The following CPEB3 variants were observed in gnomAD, a reference collection of about 807,000 sequenced individuals.
The protein encoded by CPEB3 is cytoplasmic polyadenylation element-binding protein 3.
Under a neutral mutation model 67.2 loss-of-function variants are expected in CPEB3, and 20 were observed. The ratio of observed to expected loss-of-function variants is 0.30; its 90% CI spans 0.21 to 0.43. CPEB3 has a LOEUF of 0.43. Among genes scored for constraint, CPEB3 ranks in the 20% least tolerant of loss-of-function variants. The probability of loss-of-function intolerance (pLI) is 1.00; values close to 1 mark genes in which losing one functional copy is unlikely to be tolerated. For missense variants in CPEB3, 746 were observed against 968.6 expected (o/e 0.77, Z 3.05); for synonymous variants, 376 against 393.1 (o/e 0.96, Z 0.51).
At chr10:92,119,971 T>C (rs1845255227) in intron 6 of CPEB3, among the ~76,000 whole-genome samples, 1 of 151,430 alleles carries the variant, frequency 6.6e-6, no homozygotes, top group Non-Finnish European at 1.5e-5. Context: ...AAAAACAAAT[T>C]GCGCCAGGCG....
intron 4 of CPEB3, among the ~76,000 whole-genome samples, chr10:92,162,052 A>G (rs911744132): frequency 6.6e-6 from 1 of 152,318 alleles, no homozygotes; most frequent in South Asian, 2.1e-4. Flanking sequence ...AGATATAACA[A>G]GATACAATAT....
At chr10:92,236,224 CA>C (rs1345484942) in intron 2 of CPEB3, among the ~76,000 whole-genome samples, 2 of 152,136 alleles carry the variant, frequency 1.3e-5, no homozygotes, top group Non-Finnish European at 2.9e-5. Flanking sequence ...TTCTACCTGA[CA>C]GCACCTGCAC....
chr10:92,286,080 C>A (rs1243704668), intron 1 of CPEB3, among the ~76,000 whole-genome samples: 1 of 151,594 alleles, frequency 6.6e-6, no homozygotes, highest in South Asian at 2.1e-4. Context: ...GGACTACAGG[C>A]GCCCGCCACC....
intron 1 of CPEB3, among the ~76,000 whole-genome samples, chr10:92,288,354 G>C (rs778654521): frequency 7.0e-4 from 106 of 152,040 alleles, no homozygotes; most frequent in Middle Eastern, 3.4e-3. Flanking sequence ...TAGCTACTTG[G>C]GGGGCTGAGG....
intron 2 of CPEB3, among the ~76,000 whole-genome samples, chr10:92,217,488 G>A (rs574781367): frequency 0.015 from 2,274 of 152,244 alleles, 56 homozygotes; most frequent in African/African-American, 0.05. Flanking sequence ...CAAGCTGGGC[G>A]TGGTGGCTCA....
In CPEB3 at chr10:92,173,057, G is replaced by T. The variant is rs1848076504; in HGVS notation, c.1222+7906C>A. On this transcript the variant is annotated intron_variant, in intron 4 of 9. Coordinates refer to ENST00000265997, the MANE Select transcript of CPEB3 (RefSeq NM_014912.5). ...TCTCTCTTCTGATCACCCATATTGA[G>T]TGCGTATTCAACAGGCCAGGCATTA... Among the ~76,000 whole-genome samples the T allele has an allele frequency of 2.6e-5, 4 of 152,116 alleles. No individual in the cohort carries two copies. The South Asian group carries it at 8.3e-4, about 32-fold the overall frequency.
chr10:92,176,866 G>GCGTCC (rs1274256809), intron 4 of CPEB3, among the ~76,000 whole-genome samples: 13 of 152,242 alleles, frequency 8.5e-5, no homozygotes, highest in Non-Finnish European at 1.6e-4. Flanking sequence ...TGTCGAACCT[G>GCGTCC]CGTCCCGCAA....
rs780757034 is a variant in CPEB3 at position 92,190,665 on chromosome 10, C to CAAAAAAAAAAAA, written c.1165+1800_1165+1811dup. ...GGGCAACAAGAGCGAAACTCCATCT[C>CAAAAAAAAAAAA]AAAAAAAAAAAAAAAAAAAAAAAAA... On this transcript the variant is annotated intron_variant, in intron 3 of 9. Coordinates refer to ENST00000265997, the MANE Select transcript of CPEB3 (RefSeq NM_014912.5). Among the ~76,000 whole-genome samples, 10 of 78,396 alleles carry CAAAAAAAAAAAA rather than the reference C, an allele frequency of 1.3e-4. 1 individual carries two copies. Among genetic ancestry groups the CAAAAAAAAAAAA allele is most frequent in the Non-Finnish European group, 1.6e-4 (7 of 43,172 alleles). The allele number at this position is 78,396 out of a possible 152,430, so 51.4% of individuals were successfully genotyped here.
chr10:92,127,063 T>C (rs548715776), intron 6 of CPEB3, among the ~76,000 whole-genome samples: 1 of 152,194 alleles, frequency 6.6e-6, no homozygotes, highest in Non-Finnish European at 1.5e-5. Flanking sequence ...TCATAAAACT[T>C]ACATTGCAGT....
chr10:92,205,624 G>C (rs1024112890), intron 2 of CPEB3, among the ~76,000 whole-genome samples: 1 of 151,582 alleles, frequency 6.6e-6, no homozygotes, highest in African/African-American at 2.4e-5. Context: ...TTATGGGTGT[G>C]CGCCATGATG....
intron 6 of CPEB3, among the ~76,000 whole-genome samples, chr10:92,114,102 C>A (rs536963554): frequency 8.3e-4 from 127 of 152,248 alleles, no homozygotes; most frequent in Non-Finnish European, 1.6e-3. Flanking sequence ...TAAACTCCCC[C>A]CAACCCCCCA....
chr10:92,217,446 A>G (rs10882037), intron 2 of CPEB3, among the ~76,000 whole-genome samples: 53,591 of 151,828 alleles, frequency 0.35, 10,673 homozygotes, highest in African/African-American at 0.53. Flanking sequence ...CCATCAATGA[A>G]TACTCAAGAA....
intron 8 of CPEB3, among the ~76,000 whole-genome samples, chr10:92,084,720 C>T (rs1843301901): frequency 6.6e-6 from 1 of 152,130 alleles, no homozygotes; most frequent in Non-Finnish European, 1.5e-5. Flanking sequence ...GCTGGGACTA[C>T]AGGCGCCCGC....
At chr10:92,210,440 T>C (rs544461171) in intron 2 of CPEB3, among the ~76,000 whole-genome samples, 2 of 152,314 alleles carry the variant, frequency 1.3e-5, no homozygotes, top group South Asian at 2.1e-4. Context: ...GTGGCAAATA[T>C]ATTCCATTCA....
chr10:92,074,616 G>T (rs927261361), intron 9 of CPEB3, among the ~76,000 whole-genome samples: 1 of 152,144 alleles, frequency 6.6e-6, no homozygotes, highest in Admixed American at 6.5e-5. Context: ...GAGAAATAGG[G>T]GAAAAGGCCA....
At chr10:92,247,697 G>C (rs1215425509) in intron 1 of CPEB3, among the ~76,000 whole-genome samples, 1 of 152,008 alleles carries the variant, frequency 6.6e-6, no homozygotes, top group Admixed American at 6.6e-5. Flanking sequence ...ATTTTAAGTA[G>C]AGACGGGGTT....
rs187394256 is a variant in CPEB3 at position 92,219,622 on chromosome 10, C to T, written c.1005+19724G>A. Among the ~76,000 whole-genome samples the T allele has an allele frequency of 1.2e-4, 19 of 152,266 alleles. 1 individual carries two copies. Among genetic ancestry groups the T allele is most frequent in the African/African-American group, 4.6e-4 (19 of 41,538 alleles). ...ACGCAGAATATCAGATATCCCGTTA[C>T]ATTTTAAAATGAAAACCTTGTGTTA... On this transcript the variant is annotated intron_variant, in intron 2 of 9. Transcript: ENST00000265997.
chr10:92,139,035 T>C (rs1846255959), intron 6 of CPEB3, among the ~76,000 whole-genome samples: 1 of 152,150 alleles, frequency 6.6e-6, no homozygotes, highest in Non-Finnish European at 1.5e-5. Context: ...TCCAGCACTC[T>C]GGGAGGCCGA....
At chr10:92,277,326 G>A (rs1308147754) in intron 1 of CPEB3, among the ~76,000 whole-genome samples, 1 of 152,082 alleles carries the variant, frequency 6.6e-6, no homozygotes, top group African/African-American at 2.4e-5. Flanking sequence ...TTCTGATGTG[G>A]GTAGGGATGC....
Sources: allele counts gnomAD v4.1 joint callset (sites outside exome capture counted in the v4.1 genomes callset), GRCh38; gene constraint gnomAD v4.1.1; transcripts MANE v1.5; gene names NCBI Gene and HGNC (gene_info 2026-07-23, HGNC 2026-07-21).